The following PRTG variants were observed in gnomAD, a reference collection of about 807,000 sequenced individuals.
PRTG encodes immunoglobulin superfamily, DCC subclass, member 5.
Under a neutral mutation model 122.5 loss-of-function variants are expected in PRTG, and 67 were observed. The ratio of observed to expected loss-of-function variants is 0.55; its 90% confidence interval spans 0.45 to 0.67. The LOEUF is 0.67. Among genes scored for constraint, PRTG ranks in the 30% least tolerant of loss-of-function variants. PRTG has a pLI of 0.00. For missense variants in PRTG, 1,435 were observed against 1,415.4 expected, an observed-to-expected ratio of 1.01 and a Z score of -0.22; for synonymous variants, 554 against 501.1, an observed-to-expected ratio of 1.11 and a Z score of -1.41.
intron 2 of PRTG, among the ~76,000 whole-genome samples, chr15:55,729,721 C>A (rs1446513390): frequency 2.0e-5 from 3 of 151,954 alleles, no homozygotes; most frequent in African/African-American, 7.3e-5. Context: ...TGTTTCCATG[C>A]AATAATAATG....
chr15:55,716,580 A>G (rs1251126170), intron 2 of PRTG, among the ~76,000 whole-genome samples: 1 of 152,214 alleles, frequency 6.6e-6, no homozygotes, highest in African/African-American at 2.4e-5. Flanking sequence ...GGAGGATCCA[A>G]CCTTCAAGAA....
chr15:55,700,561 C>A (rs535167045), intron 2 of PRTG, among the ~76,000 whole-genome samples: 2 of 152,016 alleles, frequency 1.3e-5, no homozygotes, highest in African/African-American at 2.4e-5. Context: ...GTGGGAGGAT[C>A]ACTTGAACCT....
intron 11 of PRTG, among the ~76,000 whole-genome samples, chr15:55,643,035 C>T (rs994317563): frequency 1.8e-4 from 28 of 151,570 alleles, no homozygotes; most frequent in African/African-American, 5.8e-4. Context: ...ACTGTGCTAC[C>T]GTACTCCAGC....
chr15:55,651,648 G>A (rs543123657), intron 11 of PRTG, among the ~76,000 whole-genome samples: 77 of 152,290 alleles, frequency 5.1e-4, no homozygotes, highest in African/African-American at 1.8e-3. Context: ...TCATTTCAAA[G>A]TACTGGGCTG....
chr15:55,621,596 G>A (rs540195687), intron 18 of PRTG, among the ~76,000 whole-genome samples: 245 of 138,828 alleles, frequency 1.8e-3, no homozygotes, highest in Non-Finnish European at 2.3e-3. Context: ...GGCCGAGATC[G>A]CGCCACTGCA....
intron 2 of PRTG, among the ~76,000 whole-genome samples, chr15:55,715,675 G>A (rs1182698120): frequency 6.6e-6 from 1 of 152,142 alleles, no homozygotes; most frequent in African/African-American, 2.4e-5. Context: ...AAAACCCTGA[G>A]TACTGGAAGT....
Position 55,682,474 on chromosome 15 carries a change from ACTC to A in PRTG, c.563_565del (p.Gly188del). On this transcript the variant is annotated inframe_deletion, in exon 4 of 20. Transcript: ENST00000389286. ...TTGGCTGACATCATAGATCTGCAAT[ACTC>A]CTGTTGGTAGGGCAGTTATCCTGTT... 1.3e-6 allele frequency: 2 copies of A among 1,571,864 alleles called. No homozygotes were observed. Among genetic ancestry groups the A allele is most frequent in the Non-Finnish European group, 1.7e-6 (2 of 1,155,886 alleles).
intron 11 of PRTG, among the ~76,000 whole-genome samples, chr15:55,664,120 T>G (rs1344080950): frequency 6.6e-6 from 1 of 152,066 alleles, no homozygotes; most frequent in Non-Finnish European, 1.5e-5. Flanking sequence ...TTGTCTTGTT[T>G]TGTTTTGGCG....
intron 3 of PRTG, among the ~76,000 whole-genome samples, chr15:55,683,263 A>C (rs577794058): frequency 6.6e-6 from 1 of 152,226 alleles, no homozygotes; most frequent in Admixed American, 6.5e-5. Context: ...AATGTCTGCC[A>C]ACTCAGGAGC....
chr15:55,694,650 A>G (rs1021929425), intron 2 of PRTG, among the ~76,000 whole-genome samples: 97 of 152,290 alleles, frequency 6.4e-4, no homozygotes, highest in African/African-American at 2.2e-3. Context: ...TTCAATTTCG[A>G]TTCTTTTAAG....
At chr15:55,714,616 T>C (rs998308832) in intron 2 of PRTG, among the ~76,000 whole-genome samples, 3 of 152,066 alleles carry the variant, frequency 2.0e-5, no homozygotes, top group Non-Finnish European at 4.4e-5. Flanking sequence ...CCCCTCCTTA[T>C]GCATCAAATA....
chr15:55,679,819 G>T, intron 6 of PRTG: 1 of 494,496 alleles, frequency 2.0e-6, no homozygotes, highest in Non-Finnish European at 3.6e-6. Flanking sequence ...GAGATAGAAG[G>T]GAAGCCTAAA....
At chr15:55,740,019 G>A (rs1374839963) in intron 2 of PRTG, among the ~76,000 whole-genome samples, 1 of 152,176 alleles carries the variant, frequency 6.6e-6, no homozygotes, top group Non-Finnish European at 1.5e-5. Context: ...GCTTGTGATT[G>A]TTTTCATTAA....
intron 2 of PRTG, among the ~76,000 whole-genome samples, chr15:55,736,676 G>A (rs879297017): frequency 6.6e-6 from 1 of 151,816 alleles, no homozygotes; most frequent in Non-Finnish European, 1.5e-5. Flanking sequence ...TCAAAATTTT[G>A]GTTAAAAAAT....
intron 2 of PRTG, among the ~76,000 whole-genome samples, chr15:55,733,718 T>C (rs965784650): frequency 3.9e-5 from 6 of 152,026 alleles, no homozygotes; most frequent in African/African-American, 1.4e-4. Flanking sequence ...CTCCAGCTAC[T>C]CGGTAGACTG....
intron 11 of PRTG, among the ~76,000 whole-genome samples, chr15:55,666,840 C>A (rs1008127333): frequency 4.6e-5 from 7 of 152,164 alleles, no homozygotes; most frequent in African/African-American, 1.7e-4. Flanking sequence ...CATTTAATCT[C>A]CCTAACATTC....
intron 11 of PRTG, among the ~76,000 whole-genome samples, chr15:55,657,536 A>G (rs532502590): frequency 2.6e-5 from 4 of 152,218 alleles, no homozygotes; most frequent in Admixed American, 6.5e-5. Flanking sequence ...AGTTAAAATG[A>G]TTTCAATACA....
intron 11 of PRTG, among the ~76,000 whole-genome samples, chr15:55,653,162 A>G (rs1204634110): frequency 6.6e-6 from 1 of 152,234 alleles, no homozygotes; most frequent in Admixed American, 6.5e-5. Flanking sequence ...AGATTTGAGT[A>G]TAAAATAGAC....
At chr15:55,709,295 C>T (rs1368283073) in intron 2 of PRTG, among the ~76,000 whole-genome samples, 1 of 146,424 alleles carries the variant, frequency 6.8e-6, no homozygotes, top group African/African-American at 2.5e-5. Flanking sequence ...TTGGGAGACC[C>T]ATAACAAAAA....
Sources: allele counts gnomAD v4.1 joint callset (sites outside exome capture counted in the v4.1 genomes callset), GRCh38; gene constraint gnomAD v4.1.1; transcripts MANE v1.5; gene names NCBI Gene and HGNC (gene_info 2026-07-23, HGNC 2026-07-21).